The following HGSNAT variants were observed in gnomAD, a reference collection of about 807,000 sequenced individuals.
The protein encoded by HGSNAT is heparan-alpha-glucosaminide N-acetyltransferase.
Under a neutral mutation model 85.2 loss-of-function variants are expected in HGSNAT, and 59 were observed. The ratio of observed to expected loss-of-function variants is 0.69; its 90% CI spans 0.56 to 0.86. HGSNAT has a LOEUF of 0.86. Ranked by LOEUF, HGSNAT falls within the 40% of genes least tolerant of loss-of-function variation. The pLI is 0.00. For synonymous variants in HGSNAT, 321 were observed against 304.5 expected (o/e 1.05, Z -0.56); for missense variants, 756 against 777.1 (o/e 0.97, Z 0.32).
chr8:43,198,167 G>A (rs375800318), intron 17 of HGSNAT, among the ~76,000 whole-genome samples: 50 of 151,636 alleles, frequency 3.3e-4, no homozygotes, highest in African/African-American at 9.2e-4. Flanking sequence ...CATTTTCACC[G>A]TGTAGGTTGT....
intron 1 of HGSNAT, among the ~76,000 whole-genome samples, chr8:43,145,510 T>C (rs968811360): frequency 6.6e-6 from 1 of 152,110 alleles, no homozygotes; most frequent in Admixed American, 6.5e-5. Flanking sequence ...CCCAGCACTT[T>C]GGGAGGCCGA....
At chr8:43,162,734 T>C (rs977239118) in intron 5 of HGSNAT, among the ~76,000 whole-genome samples, 1 of 151,688 alleles carries the variant, frequency 6.6e-6, no homozygotes, top group Non-Finnish European at 1.5e-5. Context: ...TTTTTTTTTT[T>C]AATTTTTGTA....
At chr8:43,185,644 G>A (rs200564160) in intron 11 of HGSNAT, among the ~76,000 whole-genome samples, 1 of 152,160 alleles carries the variant, frequency 6.6e-6, no homozygotes. Context: ...TCTCCTGCCT[G>A]ATTGCCCTGG....
At chr8:43,150,288 A>G (rs1802862580) in intron 2 of HGSNAT, among the ~76,000 whole-genome samples, 2 of 152,050 alleles carry the variant, frequency 1.3e-5, no homozygotes, top group South Asian at 4.2e-4. Context: ...TGTTCTCAGT[A>G]TGGTAAACAG....
chr8:43,140,876 G>T (rs575449316), intron 1 of HGSNAT, among the ~76,000 whole-genome samples: 190 of 152,254 alleles, frequency 1.2e-3, no homozygotes, highest in African/African-American at 4.4e-3. Flanking sequence ...CCCAGGCGGC[G>T]CCCACCCCAG....
At chr8:43,176,913 T>C (rs969017929) in intron 9 of HGSNAT, among the ~76,000 whole-genome samples, 2 of 152,246 alleles carry the variant, frequency 1.3e-5, no homozygotes, top group African/African-American at 4.8e-5. Flanking sequence ...GCAACTTTAC[T>C]GAATTTGTTG....
Position 43,199,533 on chromosome 8 carries a change from C to T in HGSNAT, c.1872C>T (p.Tyr624=), listed in dbSNP as rs946476629. The T allele has an allele frequency of 5.6e-6, 9 of 1,593,034 alleles. No individual in the cohort carries two copies. The highest frequency in any genetic ancestry group is 4.5e-5 in the East Asian group (2 of 44,374). Residue 624 remains tyrosine (Y), a synonymous_variant, in exon 18 of 18, where the codon TAC becomes TAT. Transcript: ENST00000379644. ...CTGCCCTCTGGGTGCTCATTGCCTACATCCTCTATAGAAAGAAGATTTTTT... is the reference window on the plus strand; with the variant it reads ...CTGCCCTCTGGGTGCTCATTGCCTATATCCTCTATAGAAAGAAGATTTTTT... ...VATALWVLIA[Y]ILYRKKIFWK...
chr8:43,171,525 G>T (rs1803625292), intron 7 of HGSNAT, among the ~76,000 whole-genome samples: 1 of 152,134 alleles, frequency 6.6e-6, no homozygotes, highest in Non-Finnish European at 1.5e-5. Context: ...GAAGTAACTT[G>T]CCCAAGCTCA....
intron 1 of HGSNAT, among the ~76,000 whole-genome samples, chr8:43,145,368 G>T (rs1422679940): frequency 6.6e-6 from 1 of 152,112 alleles, no homozygotes; most frequent in Non-Finnish European, 1.5e-5. Context: ...CATCACCAAG[G>T]AAAAGCCAGC....
Position 43,140,468 on chromosome 8 carries a change from A to G in HGSNAT, c.-29A>G, listed in dbSNP as rs1802473264. 1 of 922,022 alleles carries G rather than the reference A, an allele frequency of 1.1e-6. No individual in the cohort carries two copies. The allele number at this position is 922,022 out of a possible 1,614,324, so 57.1% of individuals were successfully genotyped here. ...CAGCGCAGGGCGGGGCGCAGCGGGC[A>G]GGCAAGGGCGGCCGAGCGGGCGGCG... On this transcript the variant is annotated 5_prime_UTR_variant, in exon 1 of 18. Transcript: ENST00000379644.
At chr8:43,161,591 GC>G in intron 5 of HGSNAT, 84 bp downstream of exon 5, 1 of 1,002,608 alleles carries the variant, frequency 1.0e-6, no homozygotes. Context: ...CCCTCAAGTG[GC>G]CATATTCTTC....
At chr8:43,194,600 G>T (rs11781737) in intron 14 of HGSNAT, 813,447 of 866,304 alleles carry the variant, frequency 0.94, 383,716 homozygotes, top group Non-Finnish European at 0.96. Flanking sequence ...GAGGGTCTGG[G>T]CTCTCCTCCC....
chr8:43,150,606 G>A, intron 2 of HGSNAT, among the ~76,000 whole-genome samples: 1 of 152,080 alleles, frequency 6.6e-6, no homozygotes, highest in East Asian at 1.9e-4. Context: ...GGCCAAGGTG[G>A]GCGGATCACA....
chr8:43,166,339 G>A (rs899353833), intron 5 of HGSNAT, among the ~76,000 whole-genome samples: 2 of 152,192 alleles, frequency 1.3e-5, no homozygotes, highest in Non-Finnish European at 2.9e-5. Context: ...ACTTTTAATA[G>A]CCAGGAAGGA....
intron 11 of HGSNAT, among the ~76,000 whole-genome samples, chr8:43,190,058 A>G (rs1804473984): frequency 6.6e-6 from 1 of 152,154 alleles, no homozygotes; most frequent in Admixed American, 6.6e-5. Context: ...TGTAAAGTTC[A>G]ATTTTGAGGA....
Position 43,197,875 on chromosome 8 carries a change from C to T in HGSNAT, c.1649C>T (p.Ala550Val). 6.2e-7 allele frequency: 1 copy of T among 1,613,982 alleles called. No individual in the cohort carries two copies. Among genetic ancestry groups the T allele is most frequent in the Non-Finnish European group, 8.5e-7 (1 of 1,179,868 alleles). ...TATGTCACTACGCTCAGTTCTTTTG[C>T]CTTCTTCATCCTGCTGGTCCTGTAC... The part of the protein sequence containing the change: ...LSYVTTLSSF[A>V]FFILLVLYPV... Residue 550 changes from alanine to valine, a missense_variant, in exon 17 of 18, where the codon GCC becomes GTC. By Grantham distance (64) the Ala-to-Val change is moderately conservative (BLOSUM62 0). Coordinates refer to ENST00000379644, the MANE Select transcript of HGSNAT (RefSeq NM_152419.3).
chr8:43,158,233 G>A (rs538281850), intron 2 of HGSNAT, among the ~76,000 whole-genome samples: 2 of 152,190 alleles, frequency 1.3e-5, no homozygotes, highest in South Asian at 4.2e-4. Flanking sequence ...CAAGTAGCTG[G>A]GATTACAGGC....
At position 43,197,939 on chromosome 8, in the gene HGSNAT, A is replaced by G; in HGVS notation, c.1713A>G (p.Pro571=). ...TGAAGGGGCTGTGGACAGGAACCCCATTCTTTTATCCAGGTAAGTCACCTC... is the reference window on the plus strand; with the variant it reads ...TGAAGGGGCTGTGGACAGGAACCCCGTTCTTTTATCCAGGTAAGTCACCTC... ...VDVKGLWTGT[P]FFYPGMNSIL... The change falls in exon 17 of 18, where the codon CCA becomes CCG. Residue 571 remains proline, a synonymous_variant. Transcript: ENST00000379644. 6.2e-7 allele frequency: 1 copy of G among 1,612,868 alleles called. No individual in the cohort carries two copies. The highest frequency in any genetic ancestry group is 8.5e-7 in the Non-Finnish European group (1 of 1,179,106).
intron 5 of HGSNAT, among the ~76,000 whole-genome samples, chr8:43,165,184 T>C (rs1437426568): frequency 2.6e-5 from 4 of 151,886 alleles, no homozygotes; most frequent in Admixed American, 1.3e-4. Flanking sequence ...ATTTTGGTAA[T>C]CGTTATAATA....
Sources: gnomAD v4.1 joint callset for allele counts (sites outside exome capture counted in the v4.1 genomes callset) on GRCh38, gnomAD v4.1.1 for gene constraint, MANE v1.5 for transcripts, NCBI Gene and HGNC (gene_info 2026-07-23, HGNC 2026-07-21) for gene names.